TECPR2: variants seen among roughly 807,000 people sequenced by gnomAD.
The protein encoded by TECPR2 is tectonin beta-propeller repeat-containing protein 2.
Under a neutral mutation model 138.1 loss-of-function variants are expected in TECPR2, and 65 were observed. The ratio of observed to expected loss-of-function variants is 0.47; its 90% CI spans 0.39 to 0.58. The LOEUF (loss-of-function observed/expected upper bound fraction) is 0.58, where lower values mean the gene tolerates loss of function less well. Among genes scored for constraint, TECPR2 ranks in the 20% least tolerant of loss-of-function variants. The pLI is 0.00. For missense variants in TECPR2, 1,553 were observed against 1,824.5 expected, an observed-to-expected ratio of 0.85 and a Z score of 2.71; for synonymous variants, 746 against 749.8, an observed-to-expected ratio of 0.99 and a Z score of 0.08.
At chr14:102,406,222 A>G (rs1488190693) in intron 2 of TECPR2, among the ~76,000 whole-genome samples, 1 of 152,106 alleles carries the variant, frequency 6.6e-6, no homozygotes, top group Non-Finnish European at 1.5e-5. Context: ...GATACTGGTA[A>G]TTTTACGTTA....
intron 1 of TECPR2, among the ~76,000 whole-genome samples, chr14:102,376,436 A>G (rs1887640200): frequency 6.6e-6 from 1 of 152,182 alleles, no homozygotes; most frequent in South Asian, 2.1e-4. Context: ...CATGGCATTC[A>G]CTACAACATA....
At chr14:102,377,120 G>A (rs1567314750) in intron 2 of TECPR2, among the ~76,000 whole-genome samples, 180 bp downstream of exon 2, 2 of 152,130 alleles carry the variant, frequency 1.3e-5, no homozygotes, top group Non-Finnish European at 2.9e-5. Context: ...AAACATTGGT[G>A]TTTTTAACTT....
At chr14:102,379,797 A>G (rs377201000) in intron 2 of TECPR2, among the ~76,000 whole-genome samples, 1,698 of 84,034 alleles carry the variant, frequency 0.02, 10 homozygotes, top group Middle Eastern at 0.057. Context: ...TCACACTGCT[A>G]AAGATCACCA....
rs774260110 is a variant in TECPR2 at position 102,440,620 on chromosome 14, G to A, written c.2752+11G>A. The A allele has an allele frequency of 1.9e-6, 3 of 1,611,002 alleles. No homozygotes were observed. The Admixed American group carries it at 5.0e-5, about 27-fold the overall frequency. The stretch of plus-strand genomic sequence containing the variant: ...TATACTTGCAGACAGGTAACCGCGG[G>A]CCACGCTTAGAGGCCTGCCAGCTCT... On this transcript the variant is annotated intron_variant, in intron 11 of 19. Transcript: ENST00000359520.
intron 2 of TECPR2, among the ~76,000 whole-genome samples, chr14:102,400,398 A>G (rs1888446699): frequency 6.6e-6 from 1 of 152,198 alleles, no homozygotes; most frequent in African/African-American, 2.4e-5. Context: ...AATAATTTCT[A>G]AAGCATTTAA....
chr14:102,372,408 G>C (rs1409003219), intron 1 of TECPR2, among the ~76,000 whole-genome samples: 3 of 152,158 alleles, frequency 2.0e-5, no homozygotes, highest in African/African-American at 7.2e-5. Flanking sequence ...TGGGATTACA[G>C]GCATGCGCCA....
Position 102,501,007 on chromosome 14 carries a change from G to A in TECPR2, c.*2750G>A, listed in dbSNP as rs373679337. On this transcript the variant is annotated 3_prime_UTR_variant, in exon 20 of 20. Coordinates refer to ENST00000359520, the MANE Select transcript of TECPR2 (RefSeq NM_014844.5). ...CTGTTTGATGCCTCCTCACTGTCCC[G>A]TCACTCCTGGGAAGAAGAAACGGGT... 1 of 152,284 alleles carries A rather than the reference G, an allele frequency of 6.6e-6. No homozygotes were observed. Among genetic ancestry groups the A allele is most frequent in the Admixed American group, 6.5e-5 (1 of 15,274 alleles). 9.4% of individuals were successfully genotyped at this position (152,284 alleles called of 1,614,324 possible).
chr14:102,426,957 A>T (rs1459600360), intron 6 of TECPR2, among the ~76,000 whole-genome samples: 1 of 152,220 alleles, frequency 6.6e-6, no homozygotes, highest in African/African-American at 2.4e-5. Context: ...TATCAGCCGT[A>T]CCTGGTAACA....
Position 102,399,719 on chromosome 14 carries a change from A to G in TECPR2, c.220-7619A>G, listed in dbSNP as rs144139486. 2.7e-3 allele frequency among the ~76,000 whole-genome samples: 403 copies of G among 151,930 alleles called. 1 individual carries two copies. Among genetic ancestry groups the G allele is most frequent in the Non-Finnish European group, 3.8e-3 (260 of 67,962 alleles). ...TGGCTTGTGCCTGTAGTCCCCAGCTACTCAAGGAGGCTGAGGCAGGAGAAT... is the reference window on the plus strand; with the variant it reads ...TGGCTTGTGCCTGTAGTCCCCAGCTGCTCAAGGAGGCTGAGGCAGGAGAAT... On this transcript the variant is annotated intron_variant, in intron 2 of 19. Coordinates refer to ENST00000359520, the MANE Select transcript of TECPR2 (RefSeq NM_014844.5).
rs77382436 is a variant in TECPR2 at position 102,385,797 on chromosome 14, G to A, written c.219+8857G>A. ...GAAAGAATACAAAAATTATTCAGGC[G>A]TGATGGCGTGTACCTGTAGTCCCAG... On this transcript the variant is annotated intron_variant, in intron 2 of 19. Transcript: ENST00000359520. Among the ~76,000 whole-genome samples the A allele has an allele frequency of 7.0e-4, 106 of 152,090 alleles. 2 individuals are homozygous for A. In the East Asian group the frequency reaches 0.019, roughly 27 times the overall value.
chr14:102,369,334 G>A (rs1597758491), intron 1 of TECPR2, among the ~76,000 whole-genome samples: 1 of 152,236 alleles, frequency 6.6e-6, no homozygotes, highest in East Asian at 1.9e-4. Context: ...AAAGCTAAAT[G>A]TCATCATTTG....
Position 102,428,171 on chromosome 14 carries a change from C to G in TECPR2, c.952-79C>G, listed in dbSNP as rs1233966786. Reference sequence around the variant, plus strand: ...CATTTGACTGATTTGGACTCTCACACATGCATTTTTATGCTTTGAGCTGTT... The same window carrying G: ...CATTTGACTGATTTGGACTCTCACAGATGCATTTTTATGCTTTGAGCTGTT... On this transcript the variant is annotated intron_variant, in intron 6 of 19. Transcript: ENST00000359520. The G allele has an allele frequency of 2.4e-5, 35 of 1,444,444 alleles. No homozygotes were observed. In the South Asian group the frequency reaches 4.3e-4, roughly 18 times the overall value. The allele number at this position is 1,444,444 out of a possible 1,614,324, so 89.5% of individuals were successfully genotyped here. A position where few individuals can be genotyped will look rare whatever the true frequency, so the allele number is the denominator to read the frequency against.
chr14:102,452,552 C>A lies in TECPR2; in HGVS notation c.3565C>A (p.Gln1189Lys). The part of the protein sequence containing the change: ...DALWALDSLG[Q>K]VFIRTLSKSC... The stretch of plus-strand genomic sequence containing the variant: ...GCTGTGGGCGCTGGACAGCCTCGGC[C>A]AGGTGTTCATCAGGACGCTCTCCAA... Residue 1189 changes from glutamine to lysine, a missense_variant, in exon 16 of 20, where the codon CAG becomes AAG. Coordinates refer to ENST00000359520, the MANE Select transcript of TECPR2 (RefSeq NM_014844.5). 1 of 1,611,114 alleles carries A rather than the reference C, an allele frequency of 6.2e-7. No individual in the cohort carries two copies. Among genetic ancestry groups the A allele is most frequent in the South Asian group, 1.1e-5 (1 of 90,472 alleles).
At chr14:102,424,768 G>A (rs559227186) in intron 5 of TECPR2, among the ~76,000 whole-genome samples, 1 of 152,200 alleles carries the variant, frequency 6.6e-6, no homozygotes, top group Non-Finnish European at 1.5e-5. Flanking sequence ...GTGCTAATGG[G>A]GCACACACCT....
chr14:102,429,436 T>A (rs996977614), intron 7 of TECPR2, among the ~76,000 whole-genome samples: 1 of 152,226 alleles, frequency 6.6e-6, no homozygotes, highest in Non-Finnish European at 1.5e-5. Context: ...AGTTCTTCCT[T>A]GTAGGATTTA....
At chr14:102,495,274 G>T (rs116268942) in intron 17 of TECPR2, among the ~76,000 whole-genome samples, 1 of 152,138 alleles carries the variant, frequency 6.6e-6, no homozygotes, top group Admixed American at 6.5e-5. Context: ...AGGAGGGAGG[G>T]GGTGGCCCTG....
chr14:102,444,173 G>A (rs914285874), intron 12 of TECPR2, among the ~76,000 whole-genome samples: 4 of 150,578 alleles, frequency 2.7e-5, no homozygotes, highest in African/African-American at 7.3e-5. Flanking sequence ...CATGCTAATC[G>A]AAGTTGATCT....
rs2139740266 is a variant in TECPR2 at position 102,440,849 on chromosome 14, A to T, written c.2752+240A>T. Among the ~76,000 whole-genome samples the T allele has an allele frequency of 2.0e-5, 3 of 152,372 alleles. No individual in the cohort carries two copies. The South Asian group carries it at 6.2e-4, about 32-fold the overall frequency. On this transcript the variant is annotated intron_variant, in intron 11 of 19. Transcript: ENST00000359520. ...AAAATGAATAGGATTATTTGGTGAG[A>T]TACAGAAACAGAATCTTATTCTCCT...
At chr14:102,394,007 T>C in intron 2 of TECPR2, among the ~76,000 whole-genome samples, 1 of 152,234 alleles carries the variant, frequency 6.6e-6, no homozygotes, top group African/African-American at 2.4e-5. Flanking sequence ...GAAAATATTT[T>C]GTTTTCAACT....
Sources: gnomAD v4.1 joint callset for allele counts (sites outside exome capture counted in the v4.1 genomes callset) on GRCh38, gnomAD v4.1.1 for gene constraint, MANE v1.5 for transcripts, NCBI Gene and HGNC (gene_info 2026-07-23, HGNC 2026-07-21) for gene names.